Variants in TM9SF4 observed in about 807,000 individuals in gnomAD.
TM9SF4 encodes the protein dinucleotide oxidase disulfide thiol exchanger 3 superfamily member 4.
Under a neutral mutation model 90.4 loss-of-function variants are expected in TM9SF4, and 26 were observed. The ratio of observed to expected loss-of-function variants is 0.29; its 90% CI spans 0.21 to 0.40. The LOEUF (loss-of-function observed/expected upper bound fraction) is 0.40. Ranked by LOEUF, TM9SF4 falls within the 10% of genes least tolerant of loss-of-function variation. TM9SF4 has a pLI of 1.00. For synonymous variants in TM9SF4, 293 were observed against 315.4 expected (o/e 0.93, Z 0.75); for missense variants, 549 against 834.8 (o/e 0.66, Z 4.22).
At chr20:32,155,625 G>A (rs1322426465) in intron 13 of TM9SF4, among the ~76,000 whole-genome samples, 1 of 152,212 alleles carries the variant, frequency 6.6e-6, no homozygotes, top group Non-Finnish European at 1.5e-5. Context: ...TACCCTTAGA[G>A]CTGGGAATCC....
chr20:32,139,661 CT>C (rs1438442054), intron 3 of TM9SF4, among the ~76,000 whole-genome samples: 1 of 152,254 alleles, frequency 6.6e-6, no homozygotes, highest in African/African-American at 2.4e-5. Flanking sequence ...TTCTCTACCC[CT>C]GTTAGAAACC....
intron 8 of TM9SF4, among the ~76,000 whole-genome samples, chr20:32,146,138 T>G (rs2046759071): frequency 6.6e-6 from 1 of 152,146 alleles, no homozygotes; most frequent in Admixed American, 6.5e-5. Context: ...ACTAAGCACT[T>G]TACAAACATT....
At chr20:32,129,193 C>G (rs2046472978) in intron 1 of TM9SF4, among the ~76,000 whole-genome samples, 1 of 152,098 alleles carries the variant, frequency 6.6e-6, no homozygotes, top group South Asian at 2.1e-4. Context: ...CTTGAACATT[C>G]CTACTCAAGA....
intron 2 of TM9SF4, among the ~76,000 whole-genome samples, chr20:32,134,090 C>T (rs972183648): frequency 3.3e-5 from 5 of 151,476 alleles, no homozygotes; most frequent in African/African-American, 1.2e-4. Context: ...CTGGGATTAT[C>T]GGGCATGAGC....
Position 32,123,866 on chromosome 20 carries a change from A to ATATATATATTT in TM9SF4, c.16-9146_16-9145insATATATATTTT. On this transcript the variant is annotated intron_variant, in intron 1 of 17. Coordinates refer to ENST00000398022, the MANE Select transcript of TM9SF4 (RefSeq NM_014742.4). ...CTCTCATATATATATATATATATAT[A>ATATATATATTT]TTTTTTTTTTTAAAGAGATAGGGTC... Among the ~76,000 whole-genome samples the ATATATATATTT allele has an allele frequency of 2.1e-3, 199 of 93,912 alleles. 17 individuals are homozygous for ATATATATATTT. In the East Asian group the frequency reaches 0.11, roughly 50 times the overall value. 61.6% of individuals were successfully genotyped at this position (93,912 alleles called of 152,430 possible).
intron 12 of TM9SF4, among the ~76,000 whole-genome samples, chr20:32,152,453 C>G (rs1056481363): frequency 1.3e-5 from 2 of 151,706 alleles, no homozygotes; most frequent in Non-Finnish European, 2.9e-5. Flanking sequence ...CTCATTCCTT[C>G]TCAGACATCA....
At chr20:32,122,764 G>T (rs1392416259) in intron 1 of TM9SF4, among the ~76,000 whole-genome samples, 1 of 152,092 alleles carries the variant, frequency 6.6e-6, no homozygotes, top group Non-Finnish European at 1.5e-5. Flanking sequence ...TCCCAGACGG[G>T]GTGGCGGCTG....
At position 32,141,853 on chromosome 20, in the gene TM9SF4, G is replaced by A. The variant is rs879019082; in HGVS notation, c.486G>A (p.Gln162=). The A allele has an allele frequency of 1.2e-6, 2 of 1,614,168 alleles. No homozygotes were observed. Among genetic ancestry groups the A allele is most frequent in the South Asian group, 2.2e-5 (2 of 91,074 alleles). The change falls in exon 5 of 18, where the codon CAG becomes CAA. Residue 162 remains glutamine (Q), a synonymous_variant. Transcript: ENST00000398022. ...ACAAGAAGAAGGAAAAAGATGTGCA[G>A]TTTGAACACGGCTACCGGCTCGGCT... ...SDDKKKEKDV[Q]FEHGYRLGFT...
intron 1 of TM9SF4, among the ~76,000 whole-genome samples, chr20:32,124,186 A>T (rs963873054): frequency 1.3e-5 from 2 of 152,122 alleles, no homozygotes; most frequent in Admixed American, 1.3e-4. Context: ...AATGTTTAGT[A>T]AAACTAGCCT....
At chr20:32,137,237 C>T (rs921572279) in intron 3 of TM9SF4, among the ~76,000 whole-genome samples, 1 of 152,210 alleles carries the variant, frequency 6.6e-6, no homozygotes, top group African/African-American at 2.4e-5. Context: ...TTCCTCACCA[C>T]ACCATGCTAT....
intron 1 of TM9SF4, among the ~76,000 whole-genome samples, chr20:32,122,915 C>G (rs1483160233): frequency 6.6e-6 from 1 of 151,906 alleles, no homozygotes; most frequent in Non-Finnish European, 1.5e-5. Context: ...GTCTGCAATC[C>G]CGGCACCTCG....
intron 15 of TM9SF4, 187 bp from the exon 16 acceptor site, chr20:32,159,805 C>A: frequency 1.4e-6 from 1 of 719,712 alleles, no homozygotes; most frequent in South Asian, 1.8e-5. Context: ...CAACCCCTGG[C>A]CCCTCCCTAA....
At position 32,121,265 on chromosome 20, in the gene TM9SF4, G is replaced by T. The variant is rs1313733387; in HGVS notation, c.15+11510G>T. Among the ~76,000 whole-genome samples, 220 of 150,262 alleles carry T rather than the reference G, an allele frequency of 1.5e-3. 5 individuals are homozygous for T. The East Asian group carries it at 0.029, about 19-fold the overall frequency. ...TTTCTCACAGAGGGGGATTTGGCAGGGTCATAGGACAATAGTGGAGGGAAG... is the reference window on the plus strand; with the variant it reads ...TTTCTCACAGAGGGGGATTTGGCAGTGTCATAGGACAATAGTGGAGGGAAG... On this transcript the variant is annotated intron_variant, in intron 1 of 17. Coordinates refer to ENST00000398022, the MANE Select transcript of TM9SF4 (RefSeq NM_014742.4).
At chr20:32,159,754 G>C (rs1439654220) in intron 15 of TM9SF4, 4 of 549,154 alleles carry the variant, frequency 7.3e-6, no homozygotes, top group Admixed American at 3.2e-5. Flanking sequence ...TTTTCTACAA[G>C]CTGCTGAGTT....
chr20:32,126,948 G>T (rs2046431816), intron 1 of TM9SF4, among the ~76,000 whole-genome samples: 1 of 152,040 alleles, frequency 6.6e-6, no homozygotes, highest in Non-Finnish European at 1.5e-5. Context: ...TAGCCAGGCT[G>T]GTCTCAAACT....
At position 32,129,141 on chromosome 20, in the gene TM9SF4, A is replaced by T. The variant is rs144483109; in HGVS notation, c.16-3872A>T. Among the ~76,000 whole-genome samples, 954 of 152,174 alleles carry T rather than the reference A, an allele frequency of 6.3e-3. 12 individuals carry two copies. Among genetic ancestry groups the T allele is most frequent in the African/African-American group, 0.022 (903 of 41,496 alleles). On this transcript the variant is annotated intron_variant, in intron 1 of 17. Coordinates refer to ENST00000398022, the MANE Select transcript of TM9SF4 (RefSeq NM_014742.4). ...GATAAAAAAAAAAAGGAATCCTGCC[A>T]CACAGTGTTCTAGCTCCTGCTTTTA...
At chr20:32,113,396 T>G (rs1569036027) in intron 1 of TM9SF4, among the ~76,000 whole-genome samples, 1 of 152,202 alleles carries the variant, frequency 6.6e-6, no homozygotes, top group Non-Finnish European at 1.5e-5. Context: ...TTTTCCTGTC[T>G]TCTTCCATCC....
intron 1 of TM9SF4, among the ~76,000 whole-genome samples, chr20:32,122,010 TGGCTGGCCGGGCGGGG>T (rs1317725089): frequency 1.0e-5 from 1 of 100,010 alleles, no homozygotes; most frequent in Non-Finnish European, 2.0e-5. Flanking sequence ...CCGGACAGGG[TGGCTGGCCGGGCGGGG>T]GGCTGACCCC....
In TM9SF4 at chr20:32,157,900, A is replaced by C; in HGVS notation, c.1436A>C (p.Asn479Thr). 17 of 1,614,012 alleles carry C rather than the reference A, an allele frequency of 1.1e-5. No homozygotes were observed. Among genetic ancestry groups the C allele is most frequent in the Non-Finnish European group, 1.4e-5 (17 of 1,180,004 alleles). ...GGCTTCCGAAAGCAGCCATATGACAACCCTGTGCGCACCAACCAGATTCCC... is the reference window on the plus strand; with the variant it reads ...GGCTTCCGAAAGCAGCCATATGACACCCCTGTGCGCACCAACCAGATTCCC... Reference protein sequence around the residue: ...YFGFRKQPYDNPVRTNQIPRQ... With the variant: ...YFGFRKQPYDTPVRTNQIPRQ... Residue 479 changes from asparagine to threonine, a missense_variant, in exon 14 of 18, where the codon AAC (asparagine) becomes ACC (threonine). Physicochemically the swap from Asn to Thr is moderately conservative, Grantham distance 65. This residue lies in a region of TM9SF4 where 495 missense variants were observed against 711.7 expected (regional missense o/e 0.70). Coordinates refer to ENST00000398022, the MANE Select transcript of TM9SF4 (RefSeq NM_014742.4).
Sources: allele counts gnomAD v4.1 joint callset (sites outside exome capture counted in the v4.1 genomes callset), GRCh38; gene constraint gnomAD v4.1.1; regional missense constraint gnomAD v4.1.1; transcripts MANE v1.5; gene names NCBI Gene and HGNC (gene_info 2026-07-23, HGNC 2026-07-21).